The following CCDC102B variants were observed in gnomAD, a reference collection of about 807,000 sequenced individuals.
CCDC102B encodes coiled-coil domain containing 102B.
A neutral mutation model predicts 57.4 loss-of-function variants in CCDC102B; 75 were observed. The ratio of observed to expected loss-of-function variants is 1.31; its 90% confidence interval spans 1.08 to 1.58. The LOEUF (loss-of-function observed/expected upper bound fraction) is 1.58. Among genes scored for constraint, CCDC102B ranks in the 40% most tolerant of loss-of-function variants. CCDC102B has a pLI of 0.00. For synonymous variants in CCDC102B, 206 were observed against 201.9 expected (o/e 1.02, Z -0.17); for missense variants, 636 against 582.6 (o/e 1.09, Z -0.94).
intron 6 of CCDC102B, among the ~76,000 whole-genome samples, chr18:68,984,826 C>A (rs2050684466): frequency 6.6e-6 from 1 of 152,074 alleles, no homozygotes; most frequent in Non-Finnish European, 1.5e-5. Flanking sequence ...CCAGACATTG[C>A]ATGAGATTAA....
intron 2 of CCDC102B, among the ~76,000 whole-genome samples, chr18:68,761,363 G>A (rs1245780479): frequency 2.6e-5 from 4 of 151,872 alleles, no homozygotes; most frequent in African/African-American, 9.7e-5. Context: ...TTCTATATAA[G>A]TTTCTGGAGA....
Position 68,956,552 on chromosome 18 carries a change from TATTATATATATTATATATTTTATATATA to T in CCDC102B, c.1264-54381_1264-54354del, listed in dbSNP as rs1405481883. Among the ~76,000 whole-genome samples, 6 of 4,958 alleles carry T rather than the reference TATTATATATATTATATATTTTATATATA, an allele frequency of 1.2e-3. 1 individual carries two copies. The highest frequency in any genetic ancestry group is 0.029 in the East Asian group (1 of 34). 3.3% of individuals were successfully genotyped at this position (4,958 alleles called of 152,430 possible). On this transcript the variant is annotated intron_variant, in intron 6 of 7. Transcript: ENST00000360242. The stretch of plus-strand genomic sequence containing the variant: ...ATATTATATATTTTATATATATAAA[TATTATATATATTATATATTTTATATATA>T]TAAATATTATATATATATTATATAT...
intron 2 of CCDC102B, among the ~76,000 whole-genome samples, chr18:68,768,546 A>G (rs1001605204): frequency 3.3e-5 from 5 of 152,170 alleles, no homozygotes; most frequent in Admixed American, 2.0e-4. Context: ...CAATTTATAA[A>G]TTATTTAGCA....
intron 1 of CCDC102B, among the ~76,000 whole-genome samples, chr18:68,829,635 GA>G (rs1221354192): frequency 2.6e-5 from 4 of 151,964 alleles, no homozygotes; most frequent in Admixed American, 2.6e-4. Flanking sequence ...ATGGGTGTGA[GA>G]AAATATTACC....
At chr18:68,896,184 A>G (rs1011523447) in intron 5 of CCDC102B, among the ~76,000 whole-genome samples, 7 of 152,020 alleles carry the variant, frequency 4.6e-5, no homozygotes, top group Non-Finnish European at 1.0e-4. Flanking sequence ...TCTACTTACA[A>G]TGTCCACAGA....
intron 4 of CCDC102B, among the ~76,000 whole-genome samples, chr18:68,873,748 A>G (rs2039324962): frequency 6.6e-6 from 1 of 152,076 alleles, no homozygotes; most frequent in Non-Finnish European, 1.5e-5. Context: ...AGATAGTATA[A>G]CATTAGTTTT....
intron 6 of CCDC102B, among the ~76,000 whole-genome samples, chr18:69,008,322 T>C (rs1043878874): frequency 2.6e-5 from 4 of 152,176 alleles, no homozygotes; most frequent in Non-Finnish European, 5.9e-5. Flanking sequence ...TTCAGCAAAC[T>C]CAGTGATGGT....
chr18:68,828,753 T>C lies in CCDC102B; in HGVS notation c.-15-7996T>C, dbSNP rs138273801. Among the ~76,000 whole-genome samples the C allele has an allele frequency of 4.0e-5, 6 of 151,886 alleles. No individual in the cohort carries two copies. The East Asian group carries it at 9.6e-4, about 24-fold the overall frequency. ...TAAATTGTTACTTTATTTAAAAATA[T>C]TTAAATTGTTATTTCTTTTATTGGA... On this transcript the variant is annotated intron_variant, in intron 1 of 7. Transcript: ENST00000360242.
At chr18:68,850,364 G>A (rs1177184733) in intron 4 of CCDC102B, among the ~76,000 whole-genome samples, 1 of 151,970 alleles carries the variant, frequency 6.6e-6, no homozygotes, top group African/African-American at 2.4e-5. Context: ...GAAGTGGAAG[G>A]GTTTTTTTCT....
At chr18:69,040,996 G>C (rs1029817543) in intron 7 of CCDC102B, among the ~76,000 whole-genome samples, 1 of 152,002 alleles carries the variant, frequency 6.6e-6, no homozygotes, top group African/African-American at 2.4e-5. Flanking sequence ...TGCCATTACT[G>C]TTGCTGTCAG....
intron 1 of CCDC102B, among the ~76,000 whole-genome samples, chr18:68,818,782 A>C (rs772906718): frequency 1.3e-5 from 2 of 152,154 alleles, no homozygotes; most frequent in Non-Finnish European, 2.9e-5. Context: ...GATACATTCA[A>C]TTTTGAGCAA....
chr18:68,736,486 C>T (rs989277290), intron 2 of CCDC102B, among the ~76,000 whole-genome samples: 7 of 152,114 alleles, frequency 4.6e-5, no homozygotes, highest in Non-Finnish European at 1.0e-4. Flanking sequence ...ATGTTGTTGC[C>T]TTGCACCGCG....
intron 2 of CCDC102B, among the ~76,000 whole-genome samples, chr18:68,741,798 T>C (rs75007188): frequency 0.035 from 5,242 of 151,840 alleles, 164 homozygotes; most frequent in South Asian, 0.095. Context: ...GGTTCAAAAA[T>C]GGTTTGAGAG....
chr18:68,777,275 A>G (rs2034854851), intron 2 of CCDC102B, among the ~76,000 whole-genome samples: 1 of 152,172 alleles, frequency 6.6e-6, no homozygotes, highest in Non-Finnish European at 1.5e-5. Flanking sequence ...TGAATTGATC[A>G]TTGACTTTTA....
In CCDC102B at chr18:68,835,473, C is replaced by G. The variant is rs1196942160; in HGVS notation, c.-15-1276C>G. 7.2e-5 allele frequency among the ~76,000 whole-genome samples: 11 copies of G among 152,168 alleles called. No homozygotes were observed. The East Asian group carries it at 1.9e-3, about 27-fold the overall frequency. ...TAAAACTTAACTCTGCTTCTCTCACCCACCAGACTGTAAAATCTTTGACAC... is the reference window on the plus strand; with the variant it reads ...TAAAACTTAACTCTGCTTCTCTCACGCACCAGACTGTAAAATCTTTGACAC... On this transcript the variant is annotated intron_variant, in intron 1 of 7. Coordinates refer to ENST00000360242, the MANE Select transcript of CCDC102B (RefSeq NM_024781.3).
At chr18:68,948,130 T>TTA (rs2049592189) in intron 6 of CCDC102B, among the ~76,000 whole-genome samples, 1 of 152,116 alleles carries the variant, frequency 6.6e-6, no homozygotes, top group Non-Finnish European at 1.5e-5. Context: ...CCTACATGTG[T>TTA]GTTTAAGCTA....
chr18:68,873,822 C>G (rs1212879919), intron 4 of CCDC102B, among the ~76,000 whole-genome samples: 1 of 107,724 alleles, frequency 9.3e-6, no homozygotes, highest in Non-Finnish European at 2.2e-5. Context: ...ACCTACATAG[C>G]TTAAAATATA....
At chr18:69,018,572 G>C (rs182951201) in intron 7 of CCDC102B, among the ~76,000 whole-genome samples, 13 of 152,112 alleles carry the variant, frequency 8.5e-5, no homozygotes, top group African/African-American at 3.1e-4. Context: ...GTTTATATTA[G>C]TTAGATGCCT....
chr18:68,779,695 G>GA (rs2034943279), intron 2 of CCDC102B, among the ~76,000 whole-genome samples: 1 of 151,904 alleles, frequency 6.6e-6, no homozygotes, highest in Admixed American at 6.6e-5. Flanking sequence ...GTGAGGAAAG[G>GA]AAAAAATCTA....
Sources: gnomAD v4.1 joint callset for allele counts (sites outside exome capture counted in the v4.1 genomes callset) on GRCh38, gnomAD v4.1.1 for gene constraint, MANE v1.5 for transcripts, NCBI Gene and HGNC (gene_info 2026-07-23, HGNC 2026-07-21) for gene names.